Variants in RBCK1 observed in about 807,000 individuals in gnomAD.
RBCK1 encodes ranBP-type and C3HC4-type zinc finger-containing protein 1.
Under a neutral mutation model 71.1 loss-of-function variants are expected in RBCK1, and 44 were observed. The observed-to-expected ratio is 0.62, with a 90% CI of 0.49 to 0.80. RBCK1 has a LOEUF of 0.80. Ranked by LOEUF, RBCK1 falls within the 30% of genes least tolerant of loss-of-function variation. RBCK1 has a pLI of 0.00. For synonymous variants in RBCK1, 306 were observed against 279.7 expected, an observed-to-expected ratio of 1.09 and a Z score of -0.94; for missense variants, 569 against 685.0, an observed-to-expected ratio of 0.83 and a Z score of 1.89.
chr20:419,271 C>G (rs2016213880), intron 4 of RBCK1, 76 bp from the exon 5 acceptor site: 5 of 1,589,296 alleles, frequency 3.1e-6, no homozygotes, highest in Admixed American at 1.8e-5. Context: ...GCCTGGCTGG[C>G]TCAGGGAGAC....
At chr20:411,363 C>G (rs1020685758) in intron 2 of RBCK1, among the ~76,000 whole-genome samples, 2 of 152,020 alleles carry the variant, frequency 1.3e-5, no homozygotes, top group African/African-American at 4.8e-5. Flanking sequence ...ACCACCACAC[C>G]CGGCTAATTT....
intron 11 of RBCK1, 91 bp downstream of exon 11, chr20:429,185 T>C: frequency 6.8e-7 from 1 of 1,474,216 alleles, no homozygotes; most frequent in Non-Finnish European, 9.0e-7. Context: ...ATGGGCCATA[T>C]CCAACCCAGC....
rs2016219071 is a variant in RBCK1 at position 419,328 on chromosome 20, C to T, written c.461-19C>T. 3 of 1,611,250 alleles carry T rather than the reference C, an allele frequency of 1.9e-6. No homozygotes were observed. The South Asian group carries it at 3.3e-5, about 18-fold the overall frequency. On this transcript the variant is annotated intron_variant, in intron 4 of 11. Coordinates refer to ENST00000356286, the MANE Select transcript of RBCK1 (RefSeq NM_031229.4). Reference sequence around the variant, plus strand: ...AAGTGGGCCGCGTGGAACCACCACCCTTTAACCCTCCTCCACAGATCTGGG... The same window carrying T: ...AAGTGGGCCGCGTGGAACCACCACCTTTTAACCCTCCTCCACAGATCTGGG...
chr20:411,611 C>T (rs1173491478), intron 2 of RBCK1, among the ~76,000 whole-genome samples: 1 of 152,226 alleles, frequency 6.6e-6, no homozygotes, highest in Non-Finnish European at 1.5e-5. Flanking sequence ...TCGTGATCCG[C>T]CCGCCTATGC....
Position 417,597 on chromosome 20 carries a change from C to T in RBCK1, c.239C>T (p.Thr80Ile). The change falls in exon 3 of 12, where the codon ACA (threonine) becomes ATA (isoleucine). Residue 80 changes from threonine (T) to isoleucine (I), a missense_variant. By Grantham distance (89) the Thr-to-Ile change is moderately conservative (BLOSUM62 -1). This residue lies in a region of RBCK1 where 358 missense variants were observed against 375.6 expected (regional missense o/e 0.95). Coordinates refer to ENST00000356286, the MANE Select transcript of RBCK1 (RefSeq NM_031229.4). This position sits in a 1 kb window ranked among gnomAD's most constrained non-coding sequence, Gnocchi z 4.7. ...TGGCTCACAGTGCGCCCTGATATGA[C>T]AGTGGCGTCTCTCAAGGACATGGTG... ...TIWLTVRPDM[T>I]VASLKDMVFL... The T allele has an allele frequency of 6.2e-7, 1 of 1,613,992 alleles. No homozygotes were observed. The highest frequency in any genetic ancestry group is 1.1e-5 in the South Asian group (1 of 91,084).
rs372046457 is a variant in RBCK1, at chr20:417,246, T to C, written c.168-280T>C. The C allele has an allele frequency of 2.3e-5, 15 of 639,650 alleles. No individual in the cohort carries two copies. The highest frequency in any genetic ancestry group is 1.2e-4 in the African/African-American group (7 of 56,172). The allele number at this position is 639,650 out of a possible 1,614,324, so 39.6% of individuals were successfully genotyped here. ...AGCAGGGGAGAGAAGACAGAAGAGGTTGGAGAGGTCAGGGAGGTGCCAGAT... is the reference window on the plus strand; with the variant it reads ...AGCAGGGGAGAGAAGACAGAAGAGGCTGGAGAGGTCAGGGAGGTGCCAGAT... On this transcript the variant is annotated intron_variant, in intron 2 of 11. Coordinates refer to ENST00000356286, the MANE Select transcript of RBCK1 (RefSeq NM_031229.4). The surrounding 1 kb of genome is among the most constrained non-coding windows in gnomAD (Gnocchi z 4.7).
In RBCK1 at chr20:419,700, G is replaced by A; in HGVS notation, c.725G>A (p.Gly242Asp). 3 of 1,570,748 alleles carry A rather than the reference G, an allele frequency of 1.9e-6. No homozygotes were observed. Among genetic ancestry groups the A allele is most frequent in the African/African-American group, 1.3e-5 (1 of 74,248 alleles). The change falls in exon 6 of 12, where the codon GGC becomes GAC. Residue 242 changes from glycine (G) to aspartate (D), a missense_variant. Physicochemically the swap from Gly to Asp is moderately conservative, Grantham distance 94. Coordinates refer to ENST00000356286, the MANE Select transcript of RBCK1 (RefSeq NM_031229.4). ...GAGGAGGAGCGAGCGCGCCTGGCGG[G>A]CGAGGAGGAGGCGCTGCGTCAGTAC... ...PDEEERARLA[G>D]EEEALRQYQQ...
chr20:421,343 G>T (rs773490697), intron 7 of RBCK1, among the ~76,000 whole-genome samples: 14 of 152,122 alleles, frequency 9.2e-5, no homozygotes, highest in Non-Finnish European at 2.1e-4. Context: ...CTCGCTGTGG[G>T]CATCTGCCAG....
Position 408,467 on chromosome 20 carries a change from C to T in RBCK1, c.-291C>T. On this transcript the variant is annotated 5_prime_UTR_variant, in exon 1 of 12. Coordinates refer to ENST00000356286, the MANE Select transcript of RBCK1 (RefSeq NM_031229.4). The stretch of plus-strand genomic sequence containing the variant: ...TGGGTGGTGTCCGGGCGTCCTTTCC[C>T]CGCTTCTTCCCACCTCGGCTGGTCC... 1 of 529,352 alleles carries T rather than the reference C, an allele frequency of 1.9e-6. No homozygotes were observed. Among genetic ancestry groups the T allele is most frequent in the Non-Finnish European group, 3.3e-6 (1 of 299,568 alleles). The allele number at this position is 529,352 out of a possible 1,614,324, so 32.8% of individuals were successfully genotyped here. A position where few individuals can be genotyped will look rare whatever the true frequency, so the allele number is the denominator to read the frequency against.
At chr20:409,585 G>C (rs1325287000) in intron 1 of RBCK1, among the ~76,000 whole-genome samples, 2 of 152,110 alleles carry the variant, frequency 1.3e-5, no homozygotes, top group Non-Finnish European at 2.9e-5. Flanking sequence ...ACAGTGGGTG[G>C]CACACAGTAG....
Position 431,727 on chromosome 20 carries a change from T to C in RBCK1, c.*1297T>C, listed in dbSNP as rs1219485253. On this transcript the variant is annotated 3_prime_UTR_variant, in exon 12 of 12. Transcript: ENST00000356286. This position sits in a 1 kb window ranked among gnomAD's most constrained non-coding sequence, Gnocchi z 4.8. ...GCAGAGCTGTCTGAGAATGTGTGAG[T>C]GGACTGGGTCCTTCGGCACTGCCTG... Among the ~76,000 whole-genome samples, 2 of 152,190 alleles carry C rather than the reference T, an allele frequency of 1.3e-5. No homozygotes were observed. The highest frequency in any genetic ancestry group is 4.8e-5 in the African/African-American group (2 of 41,436).
At chr20:424,511 G>A (rs919252405) in intron 8 of RBCK1, among the ~76,000 whole-genome samples, 1 of 151,604 alleles carries the variant, frequency 6.6e-6, no homozygotes, top group Admixed American at 6.6e-5. Flanking sequence ...TGGAGCCCAA[G>A]AGGTTCTGCC....
In RBCK1 at chr20:422,324, TTTC is replaced by T. The variant is rs2016486392; in HGVS notation, c.1029+89_1029+91del. Reference sequence around the variant, plus strand: ...GCAGGCAGCAGACATCTTTCTTTTCTTTCTTTTTTTTTTTTGGAGATGGGGTCT... The same window carrying T: ...GCAGGCAGCAGACATCTTTCTTTTCTTTTTTTTTTTTTGGAGATGGGGTCT... On this transcript the variant is annotated intron_variant, in intron 8 of 11. Transcript: ENST00000356286. This position sits in a 1 kb window ranked among gnomAD's most constrained non-coding sequence, Gnocchi z 5.0. 8 of 1,145,488 alleles carry T rather than the reference TTTC, an allele frequency of 7.0e-6. No individual in the cohort carries two copies. The highest frequency in any genetic ancestry group is 1.6e-5 in the African/African-American group (1 of 62,432). The allele number at this position is 1,145,488 out of a possible 1,614,324, so 71.0% of individuals were successfully genotyped here.
At position 430,667 on chromosome 20, in the gene RBCK1, C is replaced by G. The variant is rs1156623429; in HGVS notation, c.*237C>G. The G allele has an allele frequency of 5.3e-6, 3 of 567,604 alleles. No homozygotes were observed. The highest frequency in any genetic ancestry group is 9.5e-6 in the Non-Finnish European group (3 of 316,572). 35.2% of individuals were successfully genotyped at this position (567,604 alleles called of 1,614,324 possible). ...TGCCTGACCCCAGCCTTAAACATAG[C>G]CCCTGGCCAGAGGCCTTGCTGGGTG... is the stretch of plus-strand genomic sequence containing the variant. On this transcript the variant is annotated 3_prime_UTR_variant, in exon 12 of 12. Coordinates refer to ENST00000356286, the MANE Select transcript of RBCK1 (RefSeq NM_031229.4). This position sits in a 1 kb window ranked among gnomAD's most constrained non-coding sequence, Gnocchi z 5.6.
chr20:431,308 A>G lies in RBCK1; in HGVS notation c.*878A>G, dbSNP rs911015558. Among the ~76,000 whole-genome samples, 3 of 152,102 alleles carry G rather than the reference A, an allele frequency of 2.0e-5. No homozygotes were observed. The highest frequency in any genetic ancestry group is 6.5e-5 in the Admixed American group (1 of 15,278). On this transcript the variant is annotated 3_prime_UTR_variant, in exon 12 of 12. Transcript: ENST00000356286. The surrounding 1 kb of genome is among the most constrained non-coding windows in gnomAD (Gnocchi z 4.8). ...GCAGGCATCTAGGGTTGGCAGGTAG[A>G]TAGTTCAAGAAGGAACGAAGCTGCT... is the stretch of plus-strand genomic sequence containing the variant.
chr20:422,123 C>G lies in RBCK1; in HGVS notation c.918-4C>G. On this transcript the variant is annotated splice_polypyrimidine_tract_variant and splice_region_variant and intron_variant, in intron 7 of 11. Coordinates refer to ENST00000356286, the MANE Select transcript of RBCK1 (RefSeq NM_031229.4). This position sits in a 1 kb window ranked among gnomAD's most constrained non-coding sequence, Gnocchi z 5.0. ...CCTAACTCTTTTCCCCTCCCCTCCC[C>G]TAGGGAGTGCCTGCAGGGCACCATC... 6.2e-7 allele frequency: 1 copy of G among 1,610,218 alleles called. No homozygotes were observed.
At chr20:424,014 C>T (rs1238516051) in intron 8 of RBCK1, among the ~76,000 whole-genome samples, 1 of 152,242 alleles carries the variant, frequency 6.6e-6, no homozygotes, top group Non-Finnish European at 1.5e-5. Flanking sequence ...TCATTTCTCA[C>T]TTGACACTGT....
At chr20:415,314 G>C (rs2015922163) in intron 2 of RBCK1, among the ~76,000 whole-genome samples, 1 of 152,036 alleles carries the variant, frequency 6.6e-6, no homozygotes, top group Non-Finnish European at 1.5e-5. Context: ...GCTGCAGTGA[G>C]CCAAGATCAT....
chr20:410,699 C>G, intron 2 of RBCK1: 1 of 622,002 alleles, frequency 1.6e-6, no homozygotes, highest in Non-Finnish European at 2.9e-6. Context: ...AAACTCAATG[C>G]TGAAACACTT....
Sources: gnomAD v4.1 joint callset for allele counts (sites outside exome capture counted in the v4.1 genomes callset) on GRCh38, gnomAD v4.1.1 for gene constraint, gnomAD v4.1.1 regional missense constraint, Gnocchi (gnomAD v3.1) non-coding constraint, MANE v1.5 for transcripts, NCBI Gene and HGNC (gene_info 2026-07-23, HGNC 2026-07-21) for gene names.